BACH2: variants seen among roughly 807,000 people sequenced by gnomAD.
BACH2 encodes BACH transcriptional regulator 2, also known as transcription regulator protein BACH2.
A neutral mutation model predicts 61.8 loss-of-function variants in BACH2; 5 were observed. The observed-to-expected ratio is 0.08, with a 90% CI of 0.04 to 0.17. BACH2 has a LOEUF of 0.17. Among genes scored for constraint, BACH2 ranks in the 10% least tolerant of loss-of-function variants. The probability of loss-of-function intolerance (pLI) is 1.00; values close to 1 mark genes in which losing one functional copy is unlikely to be tolerated. For missense variants in BACH2, 824 were observed against 1,091.1 expected (o/e 0.76, Z 3.45); for synonymous variants, 446 against 440.1 (o/e 1.01, Z -0.17).
At chr6:90,019,297 G>C (rs1778251570) in intron 5 of BACH2, among the ~76,000 whole-genome samples, 1 of 152,138 alleles carries the variant, frequency 6.6e-6, no homozygotes, top group Non-Finnish European at 1.5e-5. Context: ...ATAGAAGCTT[G>C]TGTTGAAAGA....
chr6:90,233,776 C>A (rs759876346), intron 3 of BACH2, among the ~76,000 whole-genome samples: 4 of 152,126 alleles, frequency 2.6e-5, no homozygotes, highest in Non-Finnish European at 5.9e-5. Context: ...TGACCCCATC[C>A]ACAGGCTCAT....
chr6:89,978,107 T>C (rs982342283), intron 6 of BACH2, among the ~76,000 whole-genome samples: 2 of 152,178 alleles, frequency 1.3e-5, no homozygotes, highest in Admixed American at 6.5e-5. Flanking sequence ...ATAAACCGCA[T>C]TTTCAAGTCA....
At chr6:90,080,079 G>A (rs891537078) in intron 5 of BACH2, among the ~76,000 whole-genome samples, 8 of 152,048 alleles carry the variant, frequency 5.3e-5, no homozygotes, top group African/African-American at 1.2e-4. Context: ...CCAATCTTCC[G>A]CAAAGAAATG....
intron 8 of BACH2, among the ~76,000 whole-genome samples, chr6:89,934,689 GA>G (rs969844984): frequency 6.6e-6 from 1 of 152,050 alleles, no homozygotes; most frequent in Non-Finnish European, 1.5e-5. Context: ...GCGTGAGGGT[GA>G]GGGGAGGAGA....
chr6:90,038,020 G>C (rs1391079749), intron 5 of BACH2, among the ~76,000 whole-genome samples: 1 of 152,166 alleles, frequency 6.6e-6, no homozygotes, highest in Non-Finnish European at 1.5e-5. Context: ...GAGGGAGCAT[G>C]ACCCTGCCAA....
intron 2 of BACH2, among the ~76,000 whole-genome samples, chr6:90,266,189 G>A (rs1428687693): frequency 6.6e-6 from 1 of 152,214 alleles, no homozygotes; most frequent in Non-Finnish European, 1.5e-5. Context: ...AGCAGACCTA[G>A]TGCCCTGAGG....
chr6:89,979,951 A>G (rs1775860701), intron 6 of BACH2, among the ~76,000 whole-genome samples: 1 of 152,222 alleles, frequency 6.6e-6, no homozygotes, highest in East Asian at 1.9e-4. Flanking sequence ...TAGTGCAAAT[A>G]TGAACTGAAG....
At chr6:90,108,705 A>G (rs766960879) in intron 4 of BACH2, among the ~76,000 whole-genome samples, 7 of 152,214 alleles carry the variant, frequency 4.6e-5, no homozygotes, top group Non-Finnish European at 1.0e-4. Context: ...GAGAATGTCT[A>G]TCATTGCTCT....
intron 4 of BACH2, among the ~76,000 whole-genome samples, chr6:90,115,302 T>A (rs201741183): frequency 6.6e-6 from 1 of 152,108 alleles, no homozygotes; most frequent in South Asian, 2.1e-4. Context: ...CAAAACAGCA[T>A]GGTACTGGTA....
At chr6:90,088,708 A>G (rs1782031357) in intron 5 of BACH2, among the ~76,000 whole-genome samples, 1 of 152,138 alleles carries the variant, frequency 6.6e-6, no homozygotes, top group Admixed American at 6.5e-5. Context: ...TGAATCAGAA[A>G]TCTGAGCTTG....
intron 5 of BACH2, among the ~76,000 whole-genome samples, chr6:90,054,339 G>A (rs1042181060): frequency 6.6e-6 from 1 of 152,198 alleles, no homozygotes; most frequent in Admixed American, 6.5e-5. Flanking sequence ...TGGCTCAGAG[G>A]GTCCTACGCC....
chr6:89,987,815 C>T (rs1270906674), intron 6 of BACH2, among the ~76,000 whole-genome samples: 3 of 152,064 alleles, frequency 2.0e-5, no homozygotes, highest in Non-Finnish European at 4.4e-5. Flanking sequence ...ATTTTTTAAC[C>T]TCCAATCCTT....
intron 7 of BACH2, among the ~76,000 whole-genome samples, chr6:89,947,918 C>T (rs182889755): frequency 3.9e-5 from 6 of 152,132 alleles, no homozygotes; most frequent in South Asian, 2.1e-4. Flanking sequence ...TTAAAAGTAG[C>T]GGTATTTCTC....
intron 7 of BACH2, among the ~76,000 whole-genome samples, 182 bp from the exon 8 acceptor site, chr6:89,938,532 T>C (rs1335775353): frequency 6.6e-6 from 1 of 152,206 alleles, no homozygotes. Flanking sequence ...ACCTGGATAA[T>C]CAAACAGAAT....
chr6:90,038,329 T>C (rs1779363130), intron 5 of BACH2, among the ~76,000 whole-genome samples: 1 of 152,184 alleles, frequency 6.6e-6, no homozygotes, highest in Admixed American at 6.5e-5. Flanking sequence ...ATCCCAGTTG[T>C]TATTTCCACC....
At chr6:90,282,682 T>G (rs567254153) in intron 1 of BACH2, among the ~76,000 whole-genome samples, 3 of 152,128 alleles carry the variant, frequency 2.0e-5, no homozygotes, top group African/African-American at 7.2e-5. Context: ...AACTGCTGGG[T>G]TGAATGGTAT....
At chr6:90,063,472 T>C (rs1780790885) in intron 5 of BACH2, among the ~76,000 whole-genome samples, 1 of 152,124 alleles carries the variant, frequency 6.6e-6, no homozygotes, top group African/African-American at 2.4e-5. Flanking sequence ...CCAAATGATG[T>C]GCATATAATT....
chr6:90,259,891 C>A (rs932424257), intron 2 of BACH2, among the ~76,000 whole-genome samples: 1 of 151,854 alleles, frequency 6.6e-6, no homozygotes, highest in Admixed American at 6.6e-5. Flanking sequence ...CCTTTTTATT[C>A]CCGAGGTGTC....
intron 8 of BACH2, among the ~76,000 whole-genome samples, chr6:89,936,420 G>A (rs1584499154): frequency 6.6e-6 from 1 of 152,166 alleles, no homozygotes; most frequent in Non-Finnish European, 1.5e-5. Flanking sequence ...GCGATTACAG[G>A]TGTGAGCCAT....
Sources: allele counts gnomAD v4.1 joint callset (sites outside exome capture counted in the v4.1 genomes callset), GRCh38; gene constraint gnomAD v4.1.1; transcripts MANE v1.5; gene names NCBI Gene and HGNC (gene_info 2026-07-23, HGNC 2026-07-21).